The following EXOC4 variants were observed in gnomAD, a reference collection of about 807,000 sequenced individuals.
The protein encoded by EXOC4 is SEC8-like 1.
A neutral mutation model predicts 107.2 loss-of-function variants in EXOC4; 71 were observed. The observed-to-expected ratio is 0.66, with a 90% CI of 0.55 to 0.81. The LOEUF is 0.81. Ranked by LOEUF, EXOC4 falls within the 30% of genes least tolerant of loss-of-function variation. The pLI is 0.00. For synonymous variants in EXOC4, 456 were observed against 441.2 expected, an observed-to-expected ratio of 1.03 and a Z score of -0.42; for missense variants, 1,108 against 1,189.6, an observed-to-expected ratio of 0.93 and a Z score of 1.01.
chr7:133,736,677 C>G (rs992594258), intron 10 of EXOC4, among the ~76,000 whole-genome samples: 1 of 152,164 alleles, frequency 6.6e-6, no homozygotes, highest in Admixed American at 6.5e-5. Flanking sequence ...TGCTCATTGT[C>G]TTTGTCCTCT....
chr7:133,776,227 CGT>C (rs1491053402), intron 10 of EXOC4, among the ~76,000 whole-genome samples: 1 of 37,910 alleles, frequency 2.6e-5, no homozygotes, highest in Non-Finnish European at 6.0e-5. Context: ...TAATTCCACC[CGT>C]CGGTTCTATG....
chr7:133,859,816 GATAAA>G (rs1415081938), intron 11 of EXOC4, among the ~76,000 whole-genome samples: 2 of 152,156 alleles, frequency 1.3e-5, no homozygotes, highest in African/African-American at 4.8e-5. Flanking sequence ...GAATGGTGAA[GATAAA>G]ATAAGATGCT....
chr7:133,657,394 C>G (rs1453984053), intron 10 of EXOC4, among the ~76,000 whole-genome samples: 1 of 152,160 alleles, frequency 6.6e-6, no homozygotes, highest in Non-Finnish European at 1.5e-5. Flanking sequence ...TCTATCCCAA[C>G]TCCCTTGATA....
At chr7:133,817,635 G>A (rs1461082806) in intron 11 of EXOC4, 91 bp downstream of exon 11, 3 of 894,460 alleles carry the variant, frequency 3.4e-6, no homozygotes, top group Admixed American at 2.4e-5. Context: ...ATTACCATCT[G>A]TTTCCATATT....
intron 2 of EXOC4, among the ~76,000 whole-genome samples, chr7:133,287,449 T>C (rs1447585351): frequency 2.0e-5 from 3 of 152,128 alleles, no homozygotes; most frequent in Non-Finnish European, 4.4e-5. Context: ...TAGCTGGGAC[T>C]ATAGGCACCC....
In EXOC4 at chr7:133,517,107, T is replaced by A. The variant is rs543494411; in HGVS notation, c.1417+36969T>A. 1.3e-5 allele frequency among the ~76,000 whole-genome samples: 2 copies of A among 152,222 alleles called. 1 individual carries two copies. Among genetic ancestry groups the A allele is most frequent in the East Asian group, 3.9e-4 (2 of 5,176 alleles). ...ACAGAGCAAAAGGAATTCTATACAT[T>A]TATTTAAAAGACAAATATTTGATTT... On this transcript the variant is annotated intron_variant, in intron 9 of 17. Transcript: ENST00000253861.
chr7:133,455,634 T>C (rs188704549), intron 7 of EXOC4, among the ~76,000 whole-genome samples: 8 of 152,312 alleles, frequency 5.3e-5, no homozygotes, highest in Admixed American at 4.6e-4. Context: ...AATCTGAAAA[T>C]TCAAGTGGTA....
the EXOC4 span, among the ~76,000 whole-genome samples, chr7:134,081,705 C>CTA: frequency 1.3e-5 from 2 of 152,070 alleles, no homozygotes; most frequent in African/African-American, 4.8e-5. Flanking sequence ...AAGGTAGGTT[C>CTA]CCAGGTTTCT....
At chr7:134,070,314 C>CTG (rs10633811), downstream of EXOC4, among the ~76,000 whole-genome samples, 118,179 of 152,026 alleles carry the variant, frequency 0.78, 46,920 homozygotes, top group African/African-American at 0.93. Flanking sequence ...GTGTAATGAA[C>CTG]TGCGCAGCTG....
chr7:134,069,313 T>TCC (rs1563112403), downstream of EXOC4, among the ~76,000 whole-genome samples: 2 of 45,156 alleles, frequency 4.4e-5, no homozygotes, highest in East Asian at 1.1e-3. Flanking sequence ...TCCTCCTTTC[T>TCC]TCCTTCTCCC....
chr7:133,916,640 A>G (rs895281832), intron 12 of EXOC4, among the ~76,000 whole-genome samples: 2 of 152,082 alleles, frequency 1.3e-5, no homozygotes, highest in African/African-American at 4.8e-5. Context: ...CATACATGCC[A>G]TATATATTGT....
At chr7:133,645,446 C>G (rs566373601) in intron 10 of EXOC4, among the ~76,000 whole-genome samples, 1 of 152,008 alleles carries the variant, frequency 6.6e-6, no homozygotes, top group Non-Finnish European at 1.5e-5. Flanking sequence ...TCCTTTTCCT[C>G]TGTGCCCTTG....
chr7:133,809,485 G>A (rs111497030), intron 10 of EXOC4, among the ~76,000 whole-genome samples: 111 of 152,258 alleles, frequency 7.3e-4, no homozygotes, highest in African/African-American at 2.6e-3. Context: ...TTTATTAATA[G>A]GAGAGATTCA....
chr7:133,576,642 T>G, intron 9 of EXOC4: 1 of 1,289,740 alleles, frequency 7.8e-7, no homozygotes, highest in South Asian at 1.2e-5. Context: ...AAATGTGATC[T>G]CACTCAGTTG....
chr7:133,755,291 T>TA (rs1795888609), intron 10 of EXOC4, among the ~76,000 whole-genome samples: 1 of 122,036 alleles, frequency 8.2e-6, no homozygotes, highest in Non-Finnish European at 1.7e-5. Context: ...ATTATATACA[T>TA]ATTATATATA....
chr7:133,491,313 CTCAAA>C (rs1335958767), intron 9 of EXOC4, among the ~76,000 whole-genome samples: 1 of 152,182 alleles, frequency 6.6e-6, no homozygotes, highest in African/African-American at 2.4e-5. Flanking sequence ...GCCCACTTAG[CTCAAA>C]TAAGTCCCTG....
chr7:133,957,162 C>A (rs1219059739), intron 14 of EXOC4, among the ~76,000 whole-genome samples: 1 of 152,112 alleles, frequency 6.6e-6, no homozygotes, highest in Non-Finnish European at 1.5e-5. Context: ...TTCTTCATTT[C>A]TTCATTAGAG....
At chr7:134,028,112 G>T (rs1009811804) in intron 17 of EXOC4, among the ~76,000 whole-genome samples, 1 of 152,212 alleles carries the variant, frequency 6.6e-6, no homozygotes, top group Non-Finnish European at 1.5e-5. Flanking sequence ...GGGTCATTTT[G>T]TGGTGTGTTT....
intron 10 of EXOC4, among the ~76,000 whole-genome samples, chr7:133,674,565 A>G (rs1794015278): frequency 6.6e-6 from 1 of 152,140 alleles, no homozygotes; most frequent in African/African-American, 2.4e-5. Flanking sequence ...TTTGCTTTCT[A>G]ATGTTTCTGT....
Sources: allele counts gnomAD v4.1 joint callset (sites outside exome capture counted in the v4.1 genomes callset), GRCh38; gene constraint gnomAD v4.1.1; transcripts MANE v1.5; gene names NCBI Gene and HGNC (gene_info 2026-07-23, HGNC 2026-07-21).